The following PHC2 variants were observed in gnomAD, a reference collection of about 807,000 sequenced individuals.
PHC2 encodes the protein polyhomeotic homolog 2.
A neutral mutation model predicts 87.4 loss-of-function variants in PHC2; 29 were observed. That is an observed-to-expected ratio of 0.33 (90% CI 0.25 to 0.45). The LOEUF is 0.45. Ranked by LOEUF, PHC2 falls within the 20% of genes least tolerant of loss-of-function variation. PHC2 has a pLI of 1.00. For missense variants in PHC2, 857 were observed against 1,136.7 expected, an observed-to-expected ratio of 0.75 and a Z score of 3.54; for synonymous variants, 438 against 461.7, an observed-to-expected ratio of 0.95 and a Z score of 0.66.
Position 33,372,307 on chromosome 1 carries a change from G to A in PHC2, c.315C>T (p.Ser105=). The A allele has an allele frequency of 6.3e-7, 1 of 1,578,432 alleles. No individual in the cohort carries two copies. Residue 105 remains serine (S), a synonymous_variant, in exon 3 of 15, where the codon AGC becomes AGT. Transcript: ENST00000683057. ...QQHLSSAQLQ[S]LAAVQQASLV... ...GTCTCACCTGCTGTACGGCTGCCAG[G>A]CTCTGGAGCTGGGCGCTGCTGAGGT...
At position 33,386,342 on chromosome 1, in the gene PHC2, C is replaced by T. The variant is rs1031905708; in HGVS notation, c.-54-10749G>A. ...ACCAGCCTGGCCAACATAGTGAAAC[C>T]CCGTCTCTACTGAAAATACAAAAAT... On this transcript the variant is annotated intron_variant, in intron 1 of 14. Transcript: ENST00000683057. Among the ~76,000 whole-genome samples, 4 of 151,648 alleles carry T rather than the reference C, an allele frequency of 2.6e-5. No homozygotes were observed. In the South Asian group the frequency reaches 8.4e-4, roughly 32 times the overall value.
chr1:33,354,461 C>G lies in PHC2; in HGVS notation c.1498G>C (p.Ala500Pro). The part of the protein sequence containing the change: ...PSPHQQAIVT[A>P]MPGGLPVPTS... The stretch of plus-strand genomic sequence containing the variant: ...GGTACAGGCAGGCCACCAGGCATGG[C>G]AGTGACAATAGCCTGCTGATGTGGT... Residue 500 changes from alanine to proline, a missense_variant, in exon 9 of 15, where the codon GCC (alanine) becomes CCC (proline). By Grantham distance (27) the Ala-to-Pro change is conservative (BLOSUM62 -1). Transcript: ENST00000683057. 6.2e-7 allele frequency: 1 copy of G among 1,614,114 alleles called. No homozygotes were observed. Among genetic ancestry groups the G allele is most frequent in the African/African-American group, 1.3e-5 (1 of 75,046 alleles).
rs998069646 is a variant in PHC2 at position 33,349,264 on chromosome 1, C to A, written c.1558+5137G>T. 3.6e-5 allele frequency: 35 copies of A among 985,308 alleles called. No homozygotes were observed. The highest frequency in any genetic ancestry group is 3.9e-5 in the Non-Finnish European group (32 of 829,934). 61.0% of individuals were successfully genotyped at this position (985,308 alleles called of 1,614,324 possible). A position where few individuals can be genotyped will look rare whatever the true frequency, so the allele number is the denominator to read the frequency against. ...GCCAGCAGTCTCGTCCCCGAACGCACCGTCCGTCCCAGGGAAGTCGCAGCG... is the reference window on the plus strand; with the variant it reads ...GCCAGCAGTCTCGTCCCCGAACGCAACGTCCGTCCCAGGGAAGTCGCAGCG... On this transcript the variant is annotated intron_variant, in intron 9 of 14. Coordinates refer to ENST00000683057, the MANE Select transcript of PHC2 (RefSeq NM_001385109.1). The surrounding 1 kb of genome is among the most constrained non-coding windows in gnomAD (Gnocchi z 4.2).
At chr1:33,330,542 T>C (rs1557816846) in intron 12 of PHC2, among the ~76,000 whole-genome samples, 2 of 152,220 alleles carry the variant, frequency 1.3e-5, no homozygotes. Flanking sequence ...AATGTTACCC[T>C]GTGACGGGAA....
At chr1:33,384,485 G>A (rs543554151) in intron 1 of PHC2, among the ~76,000 whole-genome samples, 1 of 152,296 alleles carries the variant, frequency 6.6e-6, no homozygotes, top group Admixed American at 6.5e-5. Flanking sequence ...ATACCTCCAC[G>A]TGGAAAGAAA....
At chr1:33,419,045 C>T (rs1422948981) in intron 1 of PHC2, among the ~76,000 whole-genome samples, 3 of 152,180 alleles carry the variant, frequency 2.0e-5, no homozygotes, top group South Asian at 2.1e-4. Flanking sequence ...GCCAAGTTAC[C>T]TAACTTCTCT....
In PHC2 at chr1:33,328,985, C is replaced by G. The variant is rs372031900; in HGVS notation, c.2310G>C (p.Leu770=). The change falls in exon 14 of 15, where the codon CTG becomes CTC. Residue 770 remains leucine, a synonymous_variant. Coordinates refer to ENST00000683057, the MANE Select transcript of PHC2 (RefSeq NM_001385109.1). The part of the protein sequence containing the change: ...TSRRRQGQRD[L]ELPDMHMRDL... ...CCCGCATATGCATGTCGGGGAGCTC[C>G]AGGTCCCGCTGGCCTTGTCGCCGGC... 7.2e-5 allele frequency: 116 copies of G among 1,614,100 alleles called. No homozygotes were observed. Among genetic ancestry groups the G allele is most frequent in the Middle Eastern group, 6.6e-4 (4 of 6,084 alleles).
At chr1:33,325,105 G>C (rs1646341176) in intron 14 of PHC2, 86 bp from the exon 15 acceptor site, 3 of 1,256,956 alleles carry the variant, frequency 2.4e-6, no homozygotes, top group Non-Finnish European at 3.3e-6. Flanking sequence ...TCTAGATCTA[G>C]TTATCTGCAT....
chr1:33,326,263 C>T (rs1320214844), intron 14 of PHC2: 1 of 177,778 alleles, frequency 5.6e-6, no homozygotes, highest in East Asian at 1.6e-4. Context: ...CCAGATGGCA[C>T]ATGATGCTAA....
chr1:33,372,291 G>C lies in PHC2; in HGVS notation c.331C>G (p.Gln111Glu), dbSNP rs1461003029. The C allele has an allele frequency of 1.9e-6, 3 of 1,559,564 alleles. No individual in the cohort carries two copies. Among genetic ancestry groups the C allele is most frequent in the African/African-American group, 1.4e-5 (1 of 73,476 alleles). ...TCAAGGTCCTTCCCAAGTCTCACCT[G>C]CTGTACGGCTGCCAGGCTCTGGAGC... ...AQLQSLAAVQ[Q>E]ASLVSNRQGS... The change falls in exon 3 of 15, where the codon CAG becomes GAG. Residue 111 changes from glutamine (Q) to glutamate (E), a missense_variant and splice_region_variant. Around this residue, in one of 3 missense-constraint regions of PHC2, gnomAD observed 832 missense variants for 1,081.8 expected, o/e 0.77. Coordinates refer to ENST00000683057, the MANE Select transcript of PHC2 (RefSeq NM_001385109.1).
chr1:33,405,145 G>A (rs1259870665), intron 1 of PHC2, among the ~76,000 whole-genome samples: 1 of 149,252 alleles, frequency 6.7e-6, no homozygotes. Flanking sequence ...TCTGTCTTTC[G>A]TTTTTTCTCC....
At chr1:33,380,578 TGTTG>T (rs1648445361) in intron 1 of PHC2, among the ~76,000 whole-genome samples, 1 of 152,232 alleles carries the variant, frequency 6.6e-6, no homozygotes, top group South Asian at 2.1e-4. Context: ...TTTGTTCATC[TGTTG>T]ATGAACACTG....
chr1:33,418,336 G>C (rs746644960), intron 1 of PHC2, among the ~76,000 whole-genome samples: 1 of 147,780 alleles, frequency 6.8e-6, no homozygotes, highest in East Asian at 2.0e-4. Context: ...AGATTGATCA[G>C]AAAAAGGAGC....
At chr1:33,329,749 C>T (rs769498519) in intron 13 of PHC2, among the ~76,000 whole-genome samples, 1 of 152,278 alleles carries the variant, frequency 6.6e-6, no homozygotes, top group Non-Finnish European at 1.5e-5. Flanking sequence ...CAGCCCTCCA[C>T]GTAAGGCAGG....
chr1:33,396,067 T>C (rs1557844272), intron 1 of PHC2, among the ~76,000 whole-genome samples: 1 of 152,230 alleles, frequency 6.6e-6, no homozygotes, highest in Non-Finnish European at 1.5e-5. Context: ...ATGGTATCTA[T>C]AATGCTTTAG....
chr1:33,355,418 A>G (rs1014398222), intron 7 of PHC2, among the ~76,000 whole-genome samples, 165 bp from the exon 8 acceptor site: 4 of 152,170 alleles, frequency 2.6e-5, no homozygotes, highest in African/African-American at 4.8e-5. Flanking sequence ...GCTCATTGCC[A>G]TGGCCTAACA....
chr1:33,380,207 G>A (rs764479692), intron 1 of PHC2, among the ~76,000 whole-genome samples: 10 of 152,168 alleles, frequency 6.6e-5, no homozygotes, highest in Non-Finnish European at 1.2e-4. Context: ...TAGATTTTAA[G>A]TGTGCAATTC....
rs1366239481 is a variant in PHC2 at position 33,334,286 on chromosome 1, C to T, written c.1565G>A (p.Gly522Glu). 5.0e-6 allele frequency: 8 copies of T among 1,612,736 alleles called. No individual in the cohort carries two copies. Among genetic ancestry groups the T allele is most frequent in the Non-Finnish European group, 6.8e-6 (8 of 1,179,458 alleles). ...NIQPSPAHET[G>E]QGIVHALTDL... is the part of the protein sequence containing the mutation. ...GGTCAGTGCATGAACAATGCCCTGC[C>T]CTGTCTCTGCACGAGAGAGAGTAGG... The change falls in exon 10 of 15, where the codon GGG (glycine) becomes GAG (glutamate). Residue 522 changes from glycine to glutamate, a missense_variant. Transcript: ENST00000683057. The surrounding 1 kb of genome is among the most constrained non-coding windows in gnomAD (Gnocchi z 5.5).
intron 1 of PHC2, among the ~76,000 whole-genome samples, chr1:33,429,171 C>T (rs999391252): frequency 1.3e-5 from 2 of 152,184 alleles, no homozygotes; most frequent in African/African-American, 4.8e-5. Flanking sequence ...CTGAAAACTA[C>T]TCCTATTCAA....
Sources: allele counts gnomAD v4.1 joint callset (sites outside exome capture counted in the v4.1 genomes callset), GRCh38; gene constraint gnomAD v4.1.1; regional missense constraint gnomAD v4.1.1; non-coding constraint Gnocchi (gnomAD v3.1); transcripts MANE v1.5; gene names NCBI Gene and HGNC (gene_info 2026-07-23, HGNC 2026-07-21).